The following NEK1 variants were observed in gnomAD, a reference collection of about 807,000 sequenced individuals.
NEK1 encodes the protein serine/threonine-protein kinase Nek1.
NEK1 carries 137 observed loss-of-function variants against 182.1 expected under a neutral mutation model. The observed-to-expected ratio is 0.75, with a 90% CI of 0.65 to 0.87. The LOEUF is 0.87. Among genes scored for constraint, NEK1 ranks in the 40% least tolerant of loss-of-function variants. The pLI, the probability that NEK1 is intolerant of heterozygous loss-of-function variation, is 0.00. For synonymous variants in NEK1, 513 were observed against 492.2 expected (o/e 1.04, Z -0.56); for missense variants, 1,391 against 1,494.4 (o/e 0.93, Z 1.14).
At chr4:169,611,844 C>A (rs1248870488) in intron 2 of NEK1, among the ~76,000 whole-genome samples, 176 bp downstream of exon 2, 1 of 152,188 alleles carries the variant, frequency 6.6e-6, no homozygotes, top group Non-Finnish European at 1.5e-5. Flanking sequence ...GTCCAAGAAT[C>A]GCTTTGTTAA....
chr4:169,400,135 T>C (rs752538909), intron 35 of NEK1, 90 bp downstream of exon 35: 7 of 1,246,632 alleles, frequency 5.6e-6, no homozygotes, highest in Middle Eastern at 1.9e-4. Context: ...TTTCACAAAA[T>C]GGATGTGATG....
At chr4:169,433,474 T>C in intron 29 of NEK1, 71 bp downstream of exon 29, 3 of 1,405,558 alleles carry the variant, frequency 2.1e-6, no homozygotes, top group South Asian at 1.3e-5. Context: ...TATTAGCTTA[T>C]TATAGTATTT....
At chr4:169,538,770 A>T (rs929175579) in intron 18 of NEK1, among the ~76,000 whole-genome samples, 2 of 139,888 alleles carry the variant, frequency 1.4e-5, no homozygotes, top group Non-Finnish European at 3.2e-5. Context: ...ACTTCCTATA[A>T]AGACTTTCTT....
intron 23 of NEK1, among the ~76,000 whole-genome samples, chr4:169,494,516 G>C (rs1197651874): frequency 6.6e-6 from 1 of 152,148 alleles, no homozygotes; most frequent in South Asian, 2.1e-4. Context: ...ATCTGGGTTG[G>C]TTCCAAGTCT....
At chr4:169,491,135 T>TCA in intron 23 of NEK1, among the ~76,000 whole-genome samples, 1 of 33,070 alleles carries the variant, frequency 3.0e-5, no homozygotes, top group African/African-American at 1.8e-4. Flanking sequence ...AGACTCCATC[T>TCA]CAAAAAAAAA....
chr4:169,408,883 TTAGG>T (rs1733112833), intron 31 of NEK1, among the ~76,000 whole-genome samples: 1 of 152,208 alleles, frequency 6.6e-6, no homozygotes, highest in South Asian at 2.1e-4. Context: ...TGATGGGCAG[TTAGG>T]TCGTTTCCAT....
chr4:169,451,909 A>C (rs1234699754), intron 27 of NEK1, among the ~76,000 whole-genome samples: 1 of 152,178 alleles, frequency 6.6e-6, no homozygotes, highest in Non-Finnish European at 1.5e-5. Flanking sequence ...AGAAGAAAAG[A>C]CAGAAGAATC....
rs72692954 is a variant in NEK1 at position 169,569,080 on chromosome 4, C to A, written c.1021-6884G>T. Among the ~76,000 whole-genome samples the A allele has an allele frequency of 3.9e-3, 600 of 152,102 alleles. 5 individuals are homozygous for A. Among genetic ancestry groups the A allele is most frequent in the South Asian group, 0.03 (143 of 4,828 alleles). On this transcript the variant is annotated intron_variant, in intron 12 of 35. Transcript: ENST00000507142. The stretch of plus-strand genomic sequence containing the variant: ...CTTAAAAGCACACTAAAAGTTATAG[C>A]AAGTTTATTAAAATACATACTTCAC...
intron 2 of NEK1, among the ~76,000 whole-genome samples, chr4:169,604,900 A>G (rs987837750): frequency 2.6e-5 from 4 of 152,204 alleles, no homozygotes; most frequent in African/African-American, 4.8e-5. Flanking sequence ...TAAAGAAGAA[A>G]AGTTGTTCCA....
chr4:169,562,613 C>T (rs149071352), intron 12 of NEK1, among the ~76,000 whole-genome samples: 8 of 152,102 alleles, frequency 5.3e-5, no homozygotes, highest in East Asian at 1.9e-4. Context: ...TCCAGAGTAA[C>T]GGTAACCACT....
At chr4:169,570,522 G>A (rs553765452) in intron 12 of NEK1, among the ~76,000 whole-genome samples, 20 of 149,120 alleles carry the variant, frequency 1.3e-4, no homozygotes, top group South Asian at 1.1e-3. Flanking sequence ...TCAGCCCCCC[G>A]CCCGGCCAGC....
At chr4:169,487,934 A>G (rs1749340831) in intron 23 of NEK1, among the ~76,000 whole-genome samples, 1 of 151,348 alleles carries the variant, frequency 6.6e-6, no homozygotes, top group African/African-American at 2.4e-5. Context: ...GCTTTTTTTC[A>G]TGTTTGTTGG....
At chr4:169,538,535 C>T (rs1304425793) in intron 18 of NEK1, among the ~76,000 whole-genome samples, 1 of 152,108 alleles carries the variant, frequency 6.6e-6, no homozygotes, top group Non-Finnish European at 1.5e-5. Context: ...TGATCTTAGA[C>T]TATAAATAAA....
chr4:169,431,507 T>C (rs554599025), intron 29 of NEK1, among the ~76,000 whole-genome samples: 1 of 89,684 alleles, frequency 1.1e-5, no homozygotes, highest in Admixed American at 1.4e-4. Flanking sequence ...AAGTATGTAC[T>C]AGCTTACTGT....
At chr4:169,600,385 T>C (rs1437263389) in intron 4 of NEK1, among the ~76,000 whole-genome samples, 1 of 151,932 alleles carries the variant, frequency 6.6e-6, no homozygotes, top group Non-Finnish European at 1.5e-5. Context: ...AGATGGGGTC[T>C]ACAAACACCC....
chr4:169,472,772 TAAC>T (rs1466070757), intron 26 of NEK1, among the ~76,000 whole-genome samples: 2 of 152,204 alleles, frequency 1.3e-5, no homozygotes, highest in Non-Finnish European at 2.9e-5. Context: ...ATTTATTTAA[TAAC>T]TACTTTTCAT....
intron 23 of NEK1, among the ~76,000 whole-genome samples, chr4:169,492,264 CAGA>C (rs1382451200): frequency 6.6e-6 from 1 of 152,180 alleles, no homozygotes; most frequent in Non-Finnish European, 1.5e-5. Context: ...CCGTTCTCCT[CAGA>C]AGGAAGATCA....
intron 12 of NEK1, among the ~76,000 whole-genome samples, chr4:169,567,780 T>C (rs1763961245): frequency 6.6e-6 from 1 of 152,218 alleles, no homozygotes; most frequent in Admixed American, 6.5e-5. Flanking sequence ...ACCATACTTG[T>C]CTGCCTGATG....
At chr4:169,484,330 G>A (rs1296304462) in intron 23 of NEK1, among the ~76,000 whole-genome samples, 1 of 152,236 alleles carries the variant, frequency 6.6e-6, no homozygotes, top group Admixed American at 6.5e-5. Context: ...ACAGGCGTGA[G>A]CCACCGCGTT....
Sources: allele counts gnomAD v4.1 joint callset (sites outside exome capture counted in the v4.1 genomes callset), GRCh38; gene constraint gnomAD v4.1.1; transcripts MANE v1.5; gene names NCBI Gene and HGNC (gene_info 2026-07-23, HGNC 2026-07-21).